The following FRY variants were observed in gnomAD, a reference collection of about 807,000 sequenced individuals.
FRY encodes the protein FRY microtubule binding protein, also known as protein furry homolog.
Under a neutral mutation model 348.4 loss-of-function variants are expected in FRY, and 128 were observed. The ratio of observed to expected loss-of-function variants is 0.37; its 90% CI spans 0.32 to 0.43. The LOEUF (loss-of-function observed/expected upper bound fraction) is 0.43, where lower values mean the gene tolerates loss of function less well. FRY is among the 20% of genes least tolerant of loss of function. The pLI is 1.00. For missense variants in FRY, 2,736 were observed against 3,695.2 expected (o/e 0.74, Z 6.73); for synonymous variants, 1,370 against 1,374.7 (o/e 1.00, Z 0.08).
chr13:32,257,628 G>A (rs757928214), intron 51 of FRY, among the ~76,000 whole-genome samples: 4 of 129,130 alleles, frequency 3.1e-5, no homozygotes, highest in South Asian at 2.8e-4. Context: ...GTTTTCTCAC[G>A]AATACATATT....
Position 32,148,775 on chromosome 13 carries a change from T to C in FRY, c.1392+828T>C, listed in dbSNP as rs1159782152. On this transcript the variant is annotated intron_variant, in intron 13 of 60. Transcript: ENST00000542859. ...GCATGAAAGTACTGTTGAAGTACAG[T>C]TGATACTGATATAAAGTGTAAGGTT... is the stretch of plus-strand genomic sequence containing the variant. 2.0e-5 allele frequency among the ~76,000 whole-genome samples: 3 copies of C among 152,214 alleles called. No homozygotes were observed. In the East Asian group the frequency reaches 5.8e-4, roughly 29 times the overall value.
chr13:32,216,404 C>T (rs938133520), intron 35 of FRY, among the ~76,000 whole-genome samples: 3 of 152,212 alleles, frequency 2.0e-5, no homozygotes, highest in Non-Finnish European at 4.4e-5. Flanking sequence ...TGCTCCTCCC[C>T]TTTATTCCAG....
chr13:32,196,023 G>A (rs1025712751), intron 29 of FRY, among the ~76,000 whole-genome samples: 7 of 152,156 alleles, frequency 4.6e-5, no homozygotes, highest in African/African-American at 1.7e-4. Context: ...GGCCTCCAGA[G>A]AGGCTTGAGC....
intron 29 of FRY, 50 bp from the exon 30 acceptor site, chr13:32,201,891 C>T (rs73169120): frequency 3.0e-6 from 3 of 1,012,972 alleles, no homozygotes; most frequent in Non-Finnish European, 4.7e-6. Context: ...AATCTAGCCA[C>T]TCTGTCTTAT....
intron 11 of FRY, among the ~76,000 whole-genome samples, chr13:32,146,181 ATT>A (rs11364929): frequency 0.044 from 6,480 of 146,938 alleles, 163 homozygotes; most frequent in East Asian, 0.084. Flanking sequence ...CCCTCCCACC[ATT>A]TTTTTTTTTT....
chr13:32,044,657 C>G (rs1872922745), intron 1 of FRY, among the ~76,000 whole-genome samples: 1 of 152,200 alleles, frequency 6.6e-6, no homozygotes, highest in African/African-American at 2.4e-5. Context: ...ACCAAAACAT[C>G]TGAAAGAGCC....
At chr13:32,139,586 A>G (rs1013533619) in intron 11 of FRY, among the ~76,000 whole-genome samples, 2 of 152,244 alleles carry the variant, frequency 1.3e-5, no homozygotes, top group Admixed American at 6.5e-5. Context: ...TATTCCCAGC[A>G]TTAGTCAGTC....
At chr13:32,187,283 A>G (rs970359224) in intron 27 of FRY, among the ~76,000 whole-genome samples, 1 of 152,202 alleles carries the variant, frequency 6.6e-6, no homozygotes, top group African/African-American at 2.4e-5. Flanking sequence ...TACTCTGATC[A>G]TAAAGAGTTG....
intron 1 of FRY, among the ~76,000 whole-genome samples, chr13:32,041,326 C>A (rs551498152): frequency 2.0e-5 from 2 of 101,122 alleles, no homozygotes; most frequent in Admixed American, 3.2e-4. Context: ...CAGAGTCTAG[C>A]TTTGTTGCCC....
intron 53 of FRY, 127 bp downstream of exon 53, chr13:32,262,602 C>CT (rs1183564428): frequency 2.6e-6 from 2 of 763,754 alleles, no homozygotes; most frequent in Non-Finnish European, 4.4e-6. Context: ...TTCTTTCTCT[C>CT]TTTTTTAAAA....
At chr13:32,270,558 G>T (rs1888152194) in intron 55 of FRY, among the ~76,000 whole-genome samples, 2 of 152,182 alleles carry the variant, frequency 1.3e-5, no homozygotes, top group Admixed American at 6.5e-5. Context: ...AAGTTTGGCT[G>T]TTATGGTCAT....
chr13:32,168,274 G>A (rs767824832), intron 17 of FRY, among the ~76,000 whole-genome samples: 1 of 152,178 alleles, frequency 6.6e-6, no homozygotes, highest in African/African-American at 2.4e-5. Context: ...AAGTCTAAAG[G>A]CTGTTGAATT....
At chr13:32,094,833 A>G (rs964040939) in intron 2 of FRY, among the ~76,000 whole-genome samples, 19 of 152,220 alleles carry the variant, frequency 1.2e-4, no homozygotes, top group African/African-American at 4.6e-4. Context: ...GAGTGCAGAT[A>G]TCTTTTCCAA....
At chr13:32,053,751 T>G (rs1278981522) in intron 1 of FRY, among the ~76,000 whole-genome samples, 2 of 152,158 alleles carry the variant, frequency 1.3e-5, no homozygotes, top group African/African-American at 2.4e-5. Flanking sequence ...AAATACAAGG[T>G]GAAATATGGA....
chr13:32,050,314 A>G (rs1873256528), intron 1 of FRY, among the ~76,000 whole-genome samples: 1 of 152,200 alleles, frequency 6.6e-6, no homozygotes, highest in Admixed American at 6.5e-5. Context: ...TCGGAAAAAT[A>G]TAGTGTAATT....
chr13:32,049,805 T>C (rs1873227802), intron 1 of FRY, among the ~76,000 whole-genome samples: 1 of 152,188 alleles, frequency 6.6e-6, no homozygotes, highest in Admixed American at 6.5e-5. Flanking sequence ...GAGTTTGGTA[T>C]CTTCCCTGGG....
intron 41 of FRY, among the ~76,000 whole-genome samples, chr13:32,233,005 TA>T (rs113731882): frequency 0.056 from 8,487 of 150,382 alleles, 678 homozygotes; most frequent in East Asian, 0.26. Context: ...CTTCCACATA[TA>T]AAAAAAAATA....
At chr13:32,129,922 C>G (rs1879244417) in intron 7 of FRY, among the ~76,000 whole-genome samples, 1 of 152,118 alleles carries the variant, frequency 6.6e-6, no homozygotes, top group Non-Finnish European at 1.5e-5. Flanking sequence ...TTTGGTTAAA[C>G]AATGTCTCTA....
chr13:32,274,510 C>G (rs924922253), intron 55 of FRY, among the ~76,000 whole-genome samples: 7 of 151,704 alleles, frequency 4.6e-5, no homozygotes, highest in Non-Finnish European at 8.8e-5. Flanking sequence ...CGAGACCATC[C>G]TGGCTAACAC....
Sources: allele counts gnomAD v4.1 joint callset (sites outside exome capture counted in the v4.1 genomes callset), GRCh38; gene constraint gnomAD v4.1.1; transcripts MANE v1.5; gene names NCBI Gene and HGNC (gene_info 2026-07-23, HGNC 2026-07-21).